Variants in NECAB2 observed in about 807,000 individuals in gnomAD.
NECAB2 encodes N-terminal EF-hand calcium-binding protein 2.
NECAB2 carries 68 observed loss-of-function variants against 51.9 expected under a neutral mutation model. The ratio of observed to expected loss-of-function variants is 1.31; its 90% CI spans 1.08 to 1.60. The LOEUF (loss-of-function observed/expected upper bound fraction) is 1.60. Among genes scored for constraint, NECAB2 ranks in the 40% most tolerant of loss-of-function variants. NECAB2 has a pLI of 0.00. For synonymous variants in NECAB2, 329 were observed against 203.5 expected, an observed-to-expected ratio of 1.62 and a Z score of -5.25; for missense variants, 854 against 490.3, an observed-to-expected ratio of 1.74 and a Z score of -7.00.
In NECAB2 at chr16:84,001,724, G is replaced by A. The variant is rs954359137; in HGVS notation, c.1041-101G>A. The A allele has an allele frequency of 3.8e-6, 5 of 1,302,662 alleles. No homozygotes were observed. The African/African-American group carries it at 6.1e-5, about 16-fold the overall frequency. The allele number at this position is 1,302,662 out of a possible 1,614,324, so 80.7% of individuals were successfully genotyped here. On this transcript the variant is annotated intron_variant, in intron 11 of 12. Coordinates refer to ENST00000305202, the MANE Select transcript of NECAB2 (RefSeq NM_019065.3). The stretch of plus-strand genomic sequence containing the variant: ...AGTCCAAAGACCCCCCGTGCTTATT[G>A]ATAAGCTCCCCATTTTGGGCTAGAG...
At chr16:83,966,226 G>A (rs984766533), upstream of NECAB2, 1 of 554,460 alleles carries the variant, frequency 1.8e-6, no homozygotes, top group South Asian at 2.7e-5. Context: ...CTAGACCTGG[G>A]ATTTGTGGGG....
At chr16:83,965,278 C>G (rs933724672), upstream of NECAB2, 23 of 1,606,072 alleles carry the variant, frequency 1.4e-5, no homozygotes. Context: ...AGCAGCCCTT[C>G]TCGCTGTGGG....
At chr16:83,965,195 C>T, upstream of NECAB2, 1 of 1,613,254 alleles carries the variant, frequency 6.2e-7, no homozygotes, top group Non-Finnish European at 8.5e-7. Flanking sequence ...GACCCCCGAT[C>T]CCAGCAGCTG....
At chr16:83,997,178 C>G (rs762107607) in intron 8 of NECAB2, 38 bp from the exon 9 acceptor site, 1 of 1,613,546 alleles carries the variant, frequency 6.2e-7, no homozygotes, top group African/African-American at 1.3e-5. Flanking sequence ...CGGAGTGGGG[C>G]TCTGGGTCTA....
At chr16:83,989,051 C>G (rs2084589364) in intron 5 of NECAB2, among the ~76,000 whole-genome samples, 2 of 152,244 alleles carry the variant, frequency 1.3e-5, no homozygotes. Context: ...TCTTCAGTCA[C>G]TGGTCCGGGT....
At chr16:83,984,859 G>T (rs1204220721) in intron 5 of NECAB2, among the ~76,000 whole-genome samples, 1 of 152,062 alleles carries the variant, frequency 6.6e-6, no homozygotes, top group African/African-American at 2.4e-5. Context: ...CAAGCTCCTG[G>T]CACATTTATT....
rs201988781 is a variant in NECAB2 at position 83,992,386 on chromosome 16, C to CCCG, written c.596+1757_596+1758insCGC. On this transcript the variant is annotated intron_variant, in intron 6 of 12. Transcript: ENST00000305202. ...GGAACACGAGCACCCGTCCCCCCGC[C>CCCG]CACCTCCATTTGCTGTTTCAAATTG... Among the ~76,000 whole-genome samples, 409 of 148,764 alleles carry CCCG rather than the reference C, an allele frequency of 2.7e-3. 6 individuals carry two copies. The highest frequency in any genetic ancestry group is 9.9e-3 in the African/African-American group (388 of 39,232).
chr16:83,994,202 T>C (rs1597219654), intron 6 of NECAB2, 100 bp from the exon 7 acceptor site: 1 of 1,043,962 alleles, frequency 9.6e-7, no homozygotes, highest in East Asian at 2.4e-5. Flanking sequence ...CATGTGTGAG[T>C]CCACTGTCTT....
chr16:83,982,714 G>C (rs1328826730), intron 5 of NECAB2, among the ~76,000 whole-genome samples: 5 of 152,130 alleles, frequency 3.3e-5, no homozygotes, highest in African/African-American at 1.2e-4. Flanking sequence ...AGTGTCTACT[G>C]ATACAAGTTA....
intron 8 of NECAB2, among the ~76,000 whole-genome samples, chr16:83,995,684 A>G (rs2084688060): frequency 6.6e-6 from 1 of 151,904 alleles, no homozygotes. Context: ...GGGTATTGCT[A>G]CTTTTAGTTT....
rs544970327 is a variant in NECAB2 at position 83,983,843 on chromosome 16, C to A, written c.459+2716C>A. Among the ~76,000 whole-genome samples, 92 of 152,230 alleles carry A rather than the reference C, an allele frequency of 6.0e-4. 2 individuals are homozygous for A. The highest frequency in any genetic ancestry group is 2.0e-3 in the African/African-American group (81 of 41,526). ...TGAATCAGCTTCTCTAACATAGCAT[C>A]ATTTTTCTACGTAAAAATAGAATTT... On this transcript the variant is annotated intron_variant, in intron 5 of 12. Transcript: ENST00000305202.
At chr16:83,997,069 C>G (rs140538592) in intron 8 of NECAB2, 147 bp from the exon 9 acceptor site, 2 of 793,038 alleles carry the variant, frequency 2.5e-6, no homozygotes, top group Non-Finnish European at 4.0e-6. Context: ...GGAGTCTCTG[C>G]CACTTCCTAG....
At chr16:83,973,626 G>A (rs537286317) in intron 2 of NECAB2, among the ~76,000 whole-genome samples, 32 of 152,224 alleles carry the variant, frequency 2.1e-4, no homozygotes, top group African/African-American at 6.7e-4. Flanking sequence ...AGATGGGGTC[G>A]CCGGAGCCCT....
intron 3 of NECAB2, among the ~76,000 whole-genome samples, chr16:83,979,823 C>T (rs937615211): frequency 6.6e-6 from 1 of 152,096 alleles, no homozygotes; most frequent in African/African-American, 2.4e-5. Context: ...GATTAATCTC[C>T]CCAACATTAC....
At position 83,994,925 on chromosome 16, in the gene NECAB2, C is replaced by T. The variant is rs149887224; in HGVS notation, c.795+237C>T. Among the ~76,000 whole-genome samples the T allele has an allele frequency of 2.7e-3, 416 of 152,172 alleles. 2 individuals carry two copies. The highest frequency in any genetic ancestry group is 0.01 in the Middle Eastern group (3 of 294). ...CTGGGAAGAGAGAGTGTTGGGGGGT[C>T]AGGCGGGCCTGCAGGCAGCAGGAGC... On this transcript the variant is annotated intron_variant, in intron 8 of 12. Transcript: ENST00000305202.
intron 5 of NECAB2, among the ~76,000 whole-genome samples, chr16:83,986,836 T>C (rs1275360865): frequency 6.6e-6 from 1 of 152,090 alleles, no homozygotes; most frequent in African/African-American, 2.4e-5. Context: ...AGAGAACTCT[T>C]TGAATTATTA....
chr16:83,998,413 C>T (rs1448347963), intron 10 of NECAB2, 96 bp downstream of exon 10: 5 of 1,150,598 alleles, frequency 4.3e-6, no homozygotes, highest in East Asian at 5.0e-5. Context: ...CTAAGTAGTA[C>T]AAGTTGCACC....
chr16:83,984,429 T>C (rs1039864220), intron 5 of NECAB2, among the ~76,000 whole-genome samples: 1 of 151,438 alleles, frequency 6.6e-6, no homozygotes, highest in Non-Finnish European at 1.5e-5. Context: ...TTAAGTTCAA[T>C]AAAAGATCTG....
intron 5 of NECAB2, among the ~76,000 whole-genome samples, chr16:83,987,725 TATG>T (rs113794934): frequency 0.061 from 9,319 of 152,276 alleles, 337 homozygotes; most frequent in Middle Eastern, 0.13. Flanking sequence ...TTTTTGCTAT[TATG>T]AGTATTACAT....
Sources: gnomAD v4.1 joint callset for allele counts (sites outside exome capture counted in the v4.1 genomes callset) on GRCh38, gnomAD v4.1.1 for gene constraint, MANE v1.5 for transcripts, NCBI Gene and HGNC (gene_info 2026-07-23, HGNC 2026-07-21) for gene names.